Variants in PPP1R12A observed in about 807,000 individuals in gnomAD.
PPP1R12A encodes protein phosphatase 1 regulatory subunit 12A.
PPP1R12A carries 19 observed loss-of-function variants against 139.6 expected under a neutral mutation model. That is an observed-to-expected ratio of 0.14 (90% confidence interval 0.09 to 0.20). PPP1R12A has a LOEUF of 0.20. Ranked by LOEUF, PPP1R12A falls within the 10% of genes least tolerant of loss-of-function variation. PPP1R12A has a pLI of 1.00. For missense variants in PPP1R12A, 925 were observed against 1,211.5 expected, an observed-to-expected ratio of 0.76 and a Z score of 3.51; for synonymous variants, 427 against 420.6, an observed-to-expected ratio of 1.02 and a Z score of -0.19.
At position 79,812,382 on chromosome 12, in the gene PPP1R12A, C is replaced by CGTGTG. The variant is rs1874662125; in HGVS notation, c.1240-2373_1240-2372insCACAC. Among the ~76,000 whole-genome samples, 27 of 112,950 alleles carry CGTGTG rather than the reference C, an allele frequency of 2.4e-4. No homozygotes were observed. The South Asian group carries it at 4.2e-3, about 18-fold the overall frequency. The allele number at this position is 112,950 out of a possible 152,430, so 74.1% of individuals were successfully genotyped here. A position where few individuals can be genotyped will look rare whatever the true frequency, so the allele number is the denominator to read the frequency against. ...TGACCATTCCTTTTCTTGACTGACTCTGTGTGTGCGTGTGTGTGTGTGTGT... is the reference window on the plus strand; with the variant it reads ...TGACCATTCCTTTTCTTGACTGACTCGTGTGTGTGTGTGCGTGTGTGTGTGTGTGT... On this transcript the variant is annotated intron_variant, in intron 9 of 24. Transcript: ENST00000450142.
At chr12:79,846,826 T>C (rs1397634004) in intron 2 of PPP1R12A, among the ~76,000 whole-genome samples, 1 of 152,174 alleles carries the variant, frequency 6.6e-6, no homozygotes. Context: ...CCTTGTCTTC[T>C]TTTTCAGCCT....
At chr12:79,884,793 A>C (rs1320011072) in intron 1 of PPP1R12A, among the ~76,000 whole-genome samples, 1 of 152,204 alleles carries the variant, frequency 6.6e-6, no homozygotes, top group East Asian at 1.9e-4. Flanking sequence ...TTTGTCATTT[A>C]ATTCCACGTA....
intron 14 of PPP1R12A, among the ~76,000 whole-genome samples, chr12:79,803,943 C>T (rs1873508540): frequency 6.6e-6 from 1 of 152,042 alleles, no homozygotes; most frequent in Admixed American, 6.6e-5. Flanking sequence ...TGTTCTGAAA[C>T]AACTGATGAT....
At chr12:79,792,710 G>C (rs1872040058) in intron 19 of PPP1R12A, among the ~76,000 whole-genome samples, 1 of 152,168 alleles carries the variant, frequency 6.6e-6, no homozygotes, top group African/African-American at 2.4e-5. Flanking sequence ...CTCCAGCCTG[G>C]TGGGGGCTGG....
At chr12:79,863,150 G>A (rs1204307575) in intron 2 of PPP1R12A, among the ~76,000 whole-genome samples, 2 of 152,154 alleles carry the variant, frequency 1.3e-5, no homozygotes, top group Non-Finnish European at 2.9e-5. Flanking sequence ...AGAAGAGAGT[G>A]GGGGCCGATA....
intron 1 of PPP1R12A, among the ~76,000 whole-genome samples, chr12:79,904,032 T>C (rs376535311): frequency 3.2e-4 from 49 of 152,188 alleles, no homozygotes; most frequent in African/African-American, 1.2e-3. Flanking sequence ...AAGGCCAACA[T>C]GGTGAAATCT....
chr12:79,873,813 T>C (rs1189101605), intron 1 of PPP1R12A, among the ~76,000 whole-genome samples: 3 of 152,202 alleles, frequency 2.0e-5, no homozygotes, highest in African/African-American at 7.2e-5. Context: ...CTCTTCCAAG[T>C]ATGATGGTTG....
chr12:79,870,449 T>C (rs548544383), intron 2 of PPP1R12A, among the ~76,000 whole-genome samples: 1 of 152,322 alleles, frequency 6.6e-6, no homozygotes, highest in Admixed American at 6.5e-5. Context: ...CGGAAGGATT[T>C]TGGGCTATCA....
intron 3 of PPP1R12A, among the ~76,000 whole-genome samples, chr12:79,834,805 C>A (rs1877874096): frequency 6.6e-6 from 1 of 152,154 alleles, no homozygotes; most frequent in Admixed American, 6.5e-5. Flanking sequence ...TTTCCCCAAC[C>A]ATTCTATTTG....
At position 79,799,488 on chromosome 12, in the gene PPP1R12A, G is replaced by A. The variant is rs142002020; in HGVS notation, c.2001-904C>T. 5.6e-4 allele frequency among the ~76,000 whole-genome samples: 86 copies of A among 152,278 alleles called. 1 individual carries two copies. The highest frequency in any genetic ancestry group is 2.3e-3 in the South Asian group (11 of 4,832). On this transcript the variant is annotated intron_variant, in intron 14 of 24. Coordinates refer to ENST00000450142, the MANE Select transcript of PPP1R12A (RefSeq NM_002480.3). ...GTCAGTGTGCTCTTACTAATGACAC[G>A]TCAGACAACATATTATTGTTCATAC...
At chr12:79,856,411 C>T (rs1044623606) in intron 2 of PPP1R12A, among the ~76,000 whole-genome samples, 2 of 152,186 alleles carry the variant, frequency 1.3e-5, no homozygotes, top group South Asian at 4.1e-4. Flanking sequence ...AACACATATG[C>T]ATAAATAATG....
chr12:79,874,046 C>A (rs962098488), intron 1 of PPP1R12A, among the ~76,000 whole-genome samples: 6 of 152,054 alleles, frequency 3.9e-5, no homozygotes, highest in African/African-American at 1.4e-4. Context: ...GAGGCCGAGG[C>A]GGGCAGATCA....
At chr12:79,791,231 C>T (rs1592618153) in intron 19 of PPP1R12A, among the ~76,000 whole-genome samples, 4 of 152,314 alleles carry the variant, frequency 2.6e-5, no homozygotes, top group African/African-American at 7.2e-5. Context: ...ACCTTATAGT[C>T]TGCACTTACA....
chr12:79,927,806 C>T (rs1887957231), intron 1 of PPP1R12A, among the ~76,000 whole-genome samples: 1 of 152,214 alleles, frequency 6.6e-6, no homozygotes, highest in Non-Finnish European at 1.5e-5. Context: ...ATATCTGACT[C>T]CAACTGAGAA....
At chr12:79,908,852 G>C (rs1381518815) in intron 1 of PPP1R12A, among the ~76,000 whole-genome samples, 1 of 152,140 alleles carries the variant, frequency 6.6e-6, no homozygotes, top group Non-Finnish European at 1.5e-5. Context: ...TACCACCCAT[G>C]ATTATCAACA....
chr12:79,789,954 A>ATT (rs1302331162), intron 20 of PPP1R12A, among the ~76,000 whole-genome samples: 2 of 144,082 alleles, frequency 1.4e-5, no homozygotes, highest in African/African-American at 2.5e-5. Flanking sequence ...TAATTAAGAA[A>ATT]TTTTTTTTTT....
intron 1 of PPP1R12A, among the ~76,000 whole-genome samples, 183 bp downstream of exon 1, chr12:79,934,512 A>G (rs1888518563): frequency 6.6e-6 from 1 of 152,218 alleles, no homozygotes; most frequent in Non-Finnish European, 1.5e-5. Context: ...GGGGGCCTCA[A>G]GCCCAGCGCC....
chr12:79,833,670 CAAA>C (rs35159522), intron 3 of PPP1R12A, among the ~76,000 whole-genome samples: 24 of 133,738 alleles, frequency 1.8e-4, no homozygotes, highest in Admixed American at 5.2e-4. Context: ...ACTAAAAATA[CAAA>C]AAAAAAAAAA....
intron 19 of PPP1R12A, among the ~76,000 whole-genome samples, chr12:79,792,464 G>A (rs766827084): frequency 1.3e-5 from 2 of 151,980 alleles, no homozygotes; most frequent in East Asian, 1.9e-4. Context: ...GTTTCATATT[G>A]TTATTTATAT....
Sources: gnomAD v4.1 joint callset for allele counts (sites outside exome capture counted in the v4.1 genomes callset) on GRCh38, gnomAD v4.1.1 for gene constraint, MANE v1.5 for transcripts, NCBI Gene and HGNC (gene_info 2026-07-23, HGNC 2026-07-21) for gene names.